The following PTPRN2 variants were observed in gnomAD, a reference collection of about 807,000 sequenced individuals.
The protein encoded by PTPRN2 is receptor-type tyrosine-protein phosphatase N2.
In PTPRN2, 74 loss-of-function variants were observed where a neutral mutation model predicts 118.8. The ratio of observed to expected loss-of-function variants is 0.62; its 90% CI spans 0.52 to 0.76. The LOEUF is 0.76. PTPRN2 is among the 30% of genes least tolerant of loss of function. The probability of loss-of-function intolerance (pLI) is 0.00; values close to 1 mark genes in which losing one functional copy is unlikely to be tolerated. For missense variants in PTPRN2, 1,481 were observed against 1,394.4 expected (o/e 1.06, Z -0.99); for synonymous variants, 641 against 608.0 (o/e 1.05, Z -0.80).
Position 158,114,035 on chromosome 7 carries a change from G to A in PTPRN2, c.1557-3120C>T, listed in dbSNP as rs900254656. On this transcript the variant is annotated intron_variant, in intron 9 of 22. Transcript: ENST00000389418. The stretch of plus-strand genomic sequence containing the variant: ...CCTGTCCTGCCCAGCCAGTGTGGCT[G>A]CAACTGGAGCCCAGGACAGTGTATT... Among the ~76,000 whole-genome samples the A allele has an allele frequency of 2.1e-4, 32 of 152,246 alleles. 1 individual carries two copies. Among genetic ancestry groups the A allele is most frequent in the African/African-American group, 7.7e-4 (32 of 41,470 alleles).
rs7807622 is a variant in PTPRN2, at chr7:157,649,340, A to T, written c.2196+7017T>A. Reference sequence around the variant, plus strand: ...GACCCATTCACTGTGCACTGAACTCAGTGGGTCAGACCCATCCAGCGTGCA... The same window carrying T: ...GACCCATTCACTGTGCACTGAACTCTGTGGGTCAGACCCATCCAGCGTGCA... On this transcript the variant is annotated intron_variant, in intron 14 of 22. Transcript: ENST00000389418. Among the ~76,000 whole-genome samples the T allele has an allele frequency of 6.2e-4, 17 of 27,214 alleles. No homozygotes were observed. The South Asian group carries it at 7.9e-3, about 13-fold the overall frequency. The allele number at this position is 27,214 out of a possible 152,430, so 17.9% of individuals were successfully genotyped here. A position where few individuals can be genotyped will look rare whatever the true frequency, so the allele number is the denominator to read the frequency against.
chr7:157,937,444 G>A (rs2128786830), intron 11 of PTPRN2, among the ~76,000 whole-genome samples: 1 of 152,352 alleles, frequency 6.6e-6, no homozygotes, highest in East Asian at 1.9e-4. Context: ...GATGTCTGGA[G>A]CAGATCGCAT....
intron 3 of PTPRN2, among the ~76,000 whole-genome samples, chr7:158,291,606 G>A (rs1043626819): frequency 6.6e-6 from 1 of 152,220 alleles, no homozygotes; most frequent in Non-Finnish European, 1.5e-5. Flanking sequence ...CCTGACAGAT[G>A]AAACTGACCC....
At chr7:157,948,548 AG>A (rs1287903242) in intron 11 of PTPRN2, among the ~76,000 whole-genome samples, 1 of 152,226 alleles carries the variant, frequency 6.6e-6, no homozygotes, top group Non-Finnish European at 1.5e-5. Context: ...GGAGGAAAAA[AG>A]GTGTAAGACA....
chr7:158,533,047 T>G (rs771765680), intron 1 of PTPRN2, among the ~76,000 whole-genome samples: 1 of 152,218 alleles, frequency 6.6e-6, no homozygotes, highest in Non-Finnish European at 1.5e-5. Flanking sequence ...TGTCACTTTG[T>G]GCTCCCAAGC....
chr7:157,555,035 G>A (rs1398291440), intron 21 of PTPRN2, among the ~76,000 whole-genome samples: 1 of 152,236 alleles, frequency 6.6e-6, no homozygotes, highest in Non-Finnish European at 1.5e-5. Context: ...GGGTTGGGCT[G>A]CACCCTCGTG....
chr7:158,256,471 T>C (rs558347559), intron 3 of PTPRN2, among the ~76,000 whole-genome samples: 38 of 152,228 alleles, frequency 2.5e-4, no homozygotes, highest in Admixed American at 2.6e-4. Context: ...TAAAAAGTTT[T>C]AGATGGTGGA....
intron 1 of PTPRN2, among the ~76,000 whole-genome samples, chr7:158,528,812 A>G (rs1824992717): frequency 6.6e-6 from 1 of 151,964 alleles, no homozygotes; most frequent in African/African-American, 2.4e-5. Flanking sequence ...AACGGAAAAA[A>G]AAAAAAAAAG....
intron 2 of PTPRN2, among the ~76,000 whole-genome samples, chr7:158,406,029 CCGGTGGCT>C (rs1563252706): frequency 2.1e-5 from 3 of 144,380 alleles, no homozygotes; most frequent in African/African-American, 2.6e-5. Context: ...CACTGAGATC[CCGGTGGCT>C]CATCCGTGAG....
chr7:158,333,563 C>T (rs1563157639), intron 2 of PTPRN2, among the ~76,000 whole-genome samples: 1 of 151,470 alleles, frequency 6.6e-6, no homozygotes, highest in Non-Finnish European at 1.5e-5. Flanking sequence ...CACACTCTCA[C>T]CATAAGAGCT....
At position 157,987,886 on chromosome 7, in the gene PTPRN2, A is replaced by G. The variant is rs1356054162; in HGVS notation, c.1724-89149T>C. ...CACTGATGCCCCCAGCTCTCCCCAC[A>G]CCTGCCATTCCCCACGTTAATGCAG... is the stretch of plus-strand genomic sequence containing the variant. On this transcript the variant is annotated intron_variant, in intron 11 of 22. Coordinates refer to ENST00000389418, the MANE Select transcript of PTPRN2 (RefSeq NM_002847.5). The surrounding 1 kb of genome is among the most constrained non-coding windows in gnomAD (Gnocchi z 4.3). Among the ~76,000 whole-genome samples the G allele has an allele frequency of 2.7e-5, 4 of 150,176 alleles. No homozygotes were observed. Among genetic ancestry groups the G allele is most frequent in the Non-Finnish European group, 4.4e-5 (3 of 67,496 alleles).
chr7:157,802,474 G>A (rs1227496909), intron 12 of PTPRN2, among the ~76,000 whole-genome samples: 12 of 152,194 alleles, frequency 7.9e-5, no homozygotes, highest in African/African-American at 2.7e-4. Context: ...TTTCCTGCCC[G>A]CTCGTCCCTG....
chr7:157,839,547 C>CTG (rs935045385), intron 12 of PTPRN2, among the ~76,000 whole-genome samples: 1 of 150,608 alleles, frequency 6.6e-6, no homozygotes, highest in Non-Finnish European at 1.5e-5. Flanking sequence ...CTCTGTGTGT[C>CTG]TGTGTGTGTG....
At chr7:158,533,497 C>T (rs1586890182) in intron 1 of PTPRN2, among the ~76,000 whole-genome samples, 1 of 152,196 alleles carries the variant, frequency 6.6e-6, no homozygotes. Flanking sequence ...AGGAGCCAGA[C>T]AGACCTATGT....
chr7:157,656,360 G>T lies in PTPRN2; in HGVS notation c.2193C>A (p.Ile731=), dbSNP rs1423731794. ...GGAGTGCAAAGACTGGGCTTACCAG[G>T]ATCATGTGGCCGGTGGAGATGTCCA... ...SNMDISTGHM[I]LSYMEDHLKN... is the part of the protein sequence containing the mutation. The change falls in exon 14 of 23, where the codon ATC becomes ATA. Residue 731 remains isoleucine, a synonymous_variant. Transcript: ENST00000389418. 2 of 1,549,010 alleles carry T rather than the reference G, an allele frequency of 1.3e-6. No homozygotes were observed. Among genetic ancestry groups the T allele is most frequent in the South Asian group, 2.4e-5 (2 of 84,040 alleles).
chr7:158,227,733 C>T (rs932510802), intron 3 of PTPRN2, among the ~76,000 whole-genome samples: 4 of 151,190 alleles, frequency 2.6e-5, no homozygotes, highest in Non-Finnish European at 4.5e-5. Context: ...AGGATGATCC[C>T]ATGCAGGAAG....
intron 22 of PTPRN2, among the ~76,000 whole-genome samples, chr7:157,543,848 G>A (rs1013169963): frequency 6.6e-6 from 1 of 152,194 alleles, no homozygotes; most frequent in African/African-American, 2.4e-5. Context: ...TTTCACAAAA[G>A]TAGACAAGCT....
At chr7:158,149,456 AT>A (rs1253342646) in intron 6 of PTPRN2, among the ~76,000 whole-genome samples, 260 of 150,992 alleles carry the variant, frequency 1.7e-3, no homozygotes, top group African/African-American at 6.0e-3. Flanking sequence ...AAAAAAAAAA[AT>A]CCTTATTTTT....
At chr7:158,302,229 G>C (rs1234313542) in intron 3 of PTPRN2, among the ~76,000 whole-genome samples, 2 of 152,188 alleles carry the variant, frequency 1.3e-5, no homozygotes, top group Non-Finnish European at 1.5e-5. Flanking sequence ...CAGCTGTTGA[G>C]GGCTAGGGGT....
Sources: allele counts gnomAD v4.1 joint callset (sites outside exome capture counted in the v4.1 genomes callset), GRCh38; gene constraint gnomAD v4.1.1; non-coding constraint Gnocchi (gnomAD v3.1); transcripts MANE v1.5; gene names NCBI Gene and HGNC (gene_info 2026-07-23, HGNC 2026-07-21).